Variants in RXRA observed in about 807,000 individuals in gnomAD.
RXRA encodes the protein retinoic acid receptor RXR-alpha.
RXRA carries 5 observed loss-of-function variants against 44.5 expected under a neutral mutation model. That is an observed-to-expected ratio of 0.11 (90% CI 0.06 to 0.24). The LOEUF (loss-of-function observed/expected upper bound fraction) is 0.24. Ranked by LOEUF, RXRA falls within the 10% of genes least tolerant of loss-of-function variation. The probability of loss-of-function intolerance (pLI) is 1.00; values close to 1 mark genes in which losing one functional copy is unlikely to be tolerated. For synonymous variants in RXRA, 291 were observed against 271.4 expected (o/e 1.07, Z -0.71); for missense variants, 412 against 646.5 (o/e 0.64, Z 3.93).
At chr9:134,372,774 G>A (rs1185904290) in intron 1 of RXRA, among the ~76,000 whole-genome samples, 1 of 152,228 alleles carries the variant, frequency 6.6e-6, no homozygotes, top group Non-Finnish European at 1.5e-5. Flanking sequence ...CAGGGCGTGT[G>A]CTCCTGTGGG....
chr9:134,377,808 C>T (rs1465972189), intron 1 of RXRA, among the ~76,000 whole-genome samples: 1 of 152,202 alleles, frequency 6.6e-6, no homozygotes, highest in Non-Finnish European at 1.5e-5. Context: ...GCTTCTGTCC[C>T]CAGGAAGCCA....
At chr9:134,362,301 C>T (rs968066655) in intron 1 of RXRA, among the ~76,000 whole-genome samples, 10 of 152,170 alleles carry the variant, frequency 6.6e-5, no homozygotes, top group African/African-American at 1.2e-4. Context: ...CCTGCCTGGT[C>T]GCCCCTCCTT....
At position 134,334,427 on chromosome 9, in the gene RXRA, C is replaced by T. The variant is rs2119014485; in HGVS notation, c.28+7768C>T. Among the ~76,000 whole-genome samples the T allele has an allele frequency of 1.3e-5, 2 of 152,374 alleles. 1 individual carries two copies. Among genetic ancestry groups the T allele is most frequent in the South Asian group, 4.1e-4 (2 of 4,832 alleles). ...CTCCTGGTTTCCTGTCAACCCAGGC[C>T]TGGTGTGCAGAGGGCCACCAAGGTG... On this transcript the variant is annotated intron_variant, in intron 1 of 9. Transcript: ENST00000481739.
Position 134,377,887 on chromosome 9 carries a change from G to A in RXRA, c.29-23745G>A, listed in dbSNP as rs560618611. ...GGGGGACGTTGCGTGAGCTGATGGG[G>A]TGCTGAGTGGGGACCCTCCTGCTCT... On this transcript the variant is annotated intron_variant, in intron 1 of 9. Transcript: ENST00000481739. Among the ~76,000 whole-genome samples, 7 of 152,338 alleles carry A rather than the reference G, an allele frequency of 4.6e-5. No homozygotes were observed. In the South Asian group the frequency reaches 1.0e-3, roughly 23 times the overall value.
Position 134,362,200 on chromosome 9 carries a change from C to G in RXRA, c.28+35541C>G, listed in dbSNP as rs926993880. 2.0e-5 allele frequency among the ~76,000 whole-genome samples: 3 copies of G among 152,154 alleles called. No homozygotes were observed. In the East Asian group the frequency reaches 5.8e-4, roughly 29 times the overall value. ...ACTTGTCCAGGGCCCAGTGCGTGGC[C>G]GCTGCTCATGGCAGCCTCTGCCTAG... On this transcript the variant is annotated intron_variant, in intron 1 of 9. Transcript: ENST00000481739.
At chr9:134,428,739 T>C (rs534717990) in intron 6 of RXRA, among the ~76,000 whole-genome samples, 1 of 152,316 alleles carries the variant, frequency 6.6e-6, no homozygotes, top group African/African-American at 2.4e-5. Context: ...GGGACCCTGC[T>C]GGCAGCAGTG....
At position 134,343,584 on chromosome 9, in the gene RXRA, G is replaced by C. The variant is rs966555048; in HGVS notation, c.28+16925G>C. 6.6e-6 allele frequency among the ~76,000 whole-genome samples: 1 copy of C among 152,138 alleles called. No homozygotes were observed. The highest frequency in any genetic ancestry group is 2.4e-5 in the African/African-American group (1 of 41,416). ...AGGACCTAGAAATTGCTCGGGGCCA[G>C]GAAGCGAGACCAGTCACTGGGTGCA... On this transcript the variant is annotated intron_variant, in intron 1 of 9. Transcript: ENST00000481739. This position sits in a 1 kb window ranked among gnomAD's most constrained non-coding sequence, Gnocchi z 4.1.
chr9:134,436,097 C>T (rs546953879), intron 9 of RXRA, among the ~76,000 whole-genome samples: 5 of 152,358 alleles, frequency 3.3e-5, no homozygotes, highest in East Asian at 1.9e-4. Flanking sequence ...CCTCCCACCT[C>T]GGCCTCTCAA....
At chr9:134,339,815 CTGTGTG>C (rs370094299) in intron 1 of RXRA, among the ~76,000 whole-genome samples, 1 of 136,664 alleles carries the variant, frequency 7.3e-6, no homozygotes, top group African/African-American at 2.8e-5. Flanking sequence ...GTGTAAGCCT[CTGTGTG>C]TGTGTGTGTG....
intron 4 of RXRA, among the ~76,000 whole-genome samples, chr9:134,415,145 G>A (rs562407369): frequency 1.8e-4 from 28 of 152,198 alleles, no homozygotes; most frequent in Non-Finnish European, 3.7e-4. Flanking sequence ...GGGCCTCCCC[G>A]CCTGAGTCTC....
intron 2 of RXRA, 83 bp from the exon 3 acceptor site, chr9:134,408,066 C>A: frequency 9.4e-7 from 1 of 1,069,070 alleles, no homozygotes; most frequent in Non-Finnish European, 1.3e-6. Context: ...GGTACAGCTG[C>A]GCCATCCTTG....
At chr9:134,370,700 G>C (rs1830480699) in intron 1 of RXRA, among the ~76,000 whole-genome samples, 1 of 152,238 alleles carries the variant, frequency 6.6e-6, no homozygotes, top group Non-Finnish European at 1.5e-5. Flanking sequence ...GCTGCAGACT[G>C]GGGCCAGGGA....
At chr9:134,358,360 C>T (rs1242897392) in intron 1 of RXRA, among the ~76,000 whole-genome samples, 2 of 152,238 alleles carry the variant, frequency 1.3e-5, no homozygotes, top group East Asian at 3.8e-4. Context: ...ACAGGCCTCC[C>T]TCAGCCTGGG....
At chr9:134,422,388 G>T (rs1831357952) in intron 6 of RXRA, 1 of 1,266,162 alleles carries the variant, frequency 7.9e-7, no homozygotes, top group Non-Finnish European at 1.0e-6. Flanking sequence ...CCCCCTCCCG[G>T]GACACTCCCC....
At chr9:134,428,072 C>T (rs975434120) in intron 6 of RXRA, among the ~76,000 whole-genome samples, 3 of 152,284 alleles carry the variant, frequency 2.0e-5, no homozygotes, top group Non-Finnish European at 4.4e-5. Context: ...TGCGTGTGCA[C>T]GCGAGGGTCC....
chr9:134,339,515 CTGTGTG>C (rs140582836), intron 1 of RXRA, among the ~76,000 whole-genome samples: 2 of 138,406 alleles, frequency 1.4e-5, no homozygotes, highest in Non-Finnish European at 3.1e-5. Context: ...GTGTGTGAGT[CTGTGTG>C]TGTGTGTGTG....
rs566570431 is a variant in RXRA at position 134,413,624 on chromosome 9, T to C, written c.611-3534T>C. On this transcript the variant is annotated intron_variant, in intron 4 of 9. Transcript: ENST00000481739. ...AAGGGACGGAGGAAGGACTCAGCCA[T>C]TGCCACTACCCAAGCCAGAGGAGCC... is the stretch of plus-strand genomic sequence containing the variant. 1.7e-4 allele frequency among the ~76,000 whole-genome samples: 26 copies of C among 152,296 alleles called. No individual in the cohort carries two copies. The South Asian group carries it at 4.8e-3, about 28-fold the overall frequency.
chr9:134,428,519 C>T (rs1343825125), intron 6 of RXRA, among the ~76,000 whole-genome samples: 1 of 134,508 alleles, frequency 7.4e-6, no homozygotes, highest in Non-Finnish European at 1.6e-5. Context: ...TAACCACCCG[C>T]CCCAGGGAAC....
intron 1 of RXRA, among the ~76,000 whole-genome samples, chr9:134,344,007 C>T (rs74785804): frequency 6.6e-6 from 1 of 152,220 alleles, no homozygotes; most frequent in Non-Finnish European, 1.5e-5. Context: ...CTGAGGTTCC[C>T]GGGGGCCGTG....
Sources: allele counts gnomAD v4.1 joint callset (sites outside exome capture counted in the v4.1 genomes callset), GRCh38; gene constraint gnomAD v4.1.1; non-coding constraint Gnocchi (gnomAD v3.1); transcripts MANE v1.5; gene names NCBI Gene and HGNC (gene_info 2026-07-23, HGNC 2026-07-21).